NCALD: variants seen among roughly 807,000 people sequenced by gnomAD.
NCALD encodes the protein neurocalcin delta, also known as neurocalcin-delta.
Under a neutral mutation model 18.6 loss-of-function variants are expected in NCALD, and 10 were observed. That is an observed-to-expected ratio of 0.54 (90% CI 0.33 to 0.91). The LOEUF is 0.91. Among genes scored for constraint, NCALD ranks in the 40% least tolerant of loss-of-function variants. The pLI, the probability that NCALD is intolerant of heterozygous loss-of-function variation, is 0.03. For missense variants in NCALD, 184 were observed against 247.6 expected, an observed-to-expected ratio of 0.74 and a Z score of 1.72; for synonymous variants, 88 against 87.4, an observed-to-expected ratio of 1.01 and a Z score of -0.04.
intron 2 of NCALD, among the ~76,000 whole-genome samples, chr8:102,012,487 A>G (rs931651916): frequency 2.6e-5 from 4 of 152,246 alleles, no homozygotes; most frequent in African/African-American, 9.6e-5. Context: ...CAAAGACGAC[A>G]AGGACGTAAG....
chr8:102,077,348 G>A (rs1044680044), intron 1 of NCALD, among the ~76,000 whole-genome samples: 1 of 152,184 alleles, frequency 6.6e-6, no homozygotes. Flanking sequence ...ATGGATGGGA[G>A]CATGGAAAGA....
At chr8:101,822,328 A>AT (rs1315845362) in intron 4 of NCALD, among the ~76,000 whole-genome samples, 1 of 152,206 alleles carries the variant, frequency 6.6e-6, no homozygotes, top group Non-Finnish European at 1.5e-5. Context: ...CATGTCACAC[A>AT]TTGCCATATT....
At chr8:101,733,356 C>T (rs1271323494) in intron 1 of NCALD, among the ~76,000 whole-genome samples, 2 of 152,196 alleles carry the variant, frequency 1.3e-5, no homozygotes, top group Non-Finnish European at 2.9e-5. Flanking sequence ...AACAACTCCA[C>T]TGAAGTTCTA....
chr8:101,854,987 G>A (rs1321263592), intron 4 of NCALD, among the ~76,000 whole-genome samples: 2 of 152,174 alleles, frequency 1.3e-5, no homozygotes, highest in Non-Finnish European at 2.9e-5. Flanking sequence ...CAAGGGCAGG[G>A]TTGGGTTAGA....
At chr8:101,874,523 G>A (rs1023012568) in intron 4 of NCALD, among the ~76,000 whole-genome samples, 1 of 151,940 alleles carries the variant, frequency 6.6e-6, no homozygotes, top group Admixed American at 6.6e-5. Flanking sequence ...GAACAGCTGC[G>A]TTTTTCTTAA....
intron 1 of NCALD, among the ~76,000 whole-genome samples, chr8:102,045,106 C>T (rs190113183): frequency 2.3e-3 from 351 of 152,340 alleles, no homozygotes; most frequent in Non-Finnish European, 3.6e-3. Context: ...CAGTAATGCA[C>T]TGCTGCCATG....
intron 1 of NCALD, among the ~76,000 whole-genome samples, chr8:101,780,807 CT>C (rs1260815376): frequency 1.3e-5 from 2 of 152,198 alleles, no homozygotes; most frequent in East Asian, 3.9e-4. Flanking sequence ...GAAAACTTTC[CT>C]TTTTTACAGT....
intron 2 of NCALD, among the ~76,000 whole-genome samples, chr8:101,952,273 C>T (rs1586815118): frequency 6.6e-6 from 1 of 152,318 alleles, no homozygotes; most frequent in African/African-American, 2.4e-5. Flanking sequence ...TGACCACTCA[C>T]ATCTTCTTCC....
chr8:101,850,559 T>G (rs1406340646), intron 4 of NCALD, among the ~76,000 whole-genome samples: 1 of 152,186 alleles, frequency 6.6e-6, no homozygotes, highest in East Asian at 1.9e-4. Context: ...CTTGGATGTT[T>G]TCACAAAATA....
chr8:101,847,905 G>T (rs901822448), intron 4 of NCALD, among the ~76,000 whole-genome samples: 1 of 152,148 alleles, frequency 6.6e-6, no homozygotes, highest in Non-Finnish European at 1.5e-5. Flanking sequence ...TTAACTTCAG[G>T]CATTTACGCT....
intron 3 of NCALD, among the ~76,000 whole-genome samples, chr8:101,906,141 C>T (rs1464256600): frequency 2.0e-5 from 3 of 152,186 alleles, no homozygotes; most frequent in Non-Finnish European, 4.4e-5. Context: ...CCTGATGGAA[C>T]TCCACAGGGC....
rs145996779 is a variant in NCALD at position 101,811,205 on chromosome 8, G to A, written c.-20+75936C>T. ...TTGCCAATCAGCTGACCTTAAAATA[G>A]AGAGATTATCCTGAATTATACAGTG... On this transcript the variant is annotated intron_variant, in intron 4 of 6. Coordinates refer to the NCALD transcript ENST00000311028. Among the ~76,000 whole-genome samples the A allele has an allele frequency of 5.0e-3, 768 of 152,258 alleles. 11 individuals are homozygous for A. The highest frequency in any genetic ancestry group is 0.018 in the African/African-American group (733 of 41,544).
intron 1 of NCALD, among the ~76,000 whole-genome samples, chr8:101,722,871 C>A (rs576719317): frequency 6.6e-6 from 1 of 152,296 alleles, no homozygotes; most frequent in South Asian, 2.1e-4. Context: ...AACGAGTGTT[C>A]ACAATTAAGC....
chr8:101,923,725 TG>T (rs1269253947), intron 2 of NCALD, among the ~76,000 whole-genome samples: 5 of 152,238 alleles, frequency 3.3e-5, no homozygotes, highest in Non-Finnish European at 5.9e-5. Context: ...CATAATTAAA[TG>T]TTTAAAAATA....
chr8:101,869,713 A>G (rs969580718), intron 4 of NCALD, among the ~76,000 whole-genome samples: 1 of 152,198 alleles, frequency 6.6e-6, no homozygotes, highest in Non-Finnish European at 1.5e-5. Flanking sequence ...TTTTAATAGA[A>G]GACTTAAACC....
intron 4 of NCALD, among the ~76,000 whole-genome samples, chr8:101,861,304 C>T (rs1374749495): frequency 1.3e-5 from 2 of 152,030 alleles, no homozygotes; most frequent in African/African-American, 4.8e-5. Context: ...ACCTGGACCA[C>T]GGGAAGTTGA....
rs188724858 is a variant in NCALD, at chr8:101,838,717, T to C, written c.-20+48424A>G. On this transcript the variant is annotated intron_variant, in intron 4 of 6. Coordinates refer to the NCALD transcript ENST00000311028. ...GGTGCTTCACTGGAAGGTCACTGGGTGGACTCATGCTTTTTGATTTTTGTC... is the reference window on the plus strand; with the variant it reads ...GGTGCTTCACTGGAAGGTCACTGGGCGGACTCATGCTTTTTGATTTTTGTC... Among the ~76,000 whole-genome samples the C allele has an allele frequency of 3.2e-3, 482 of 152,352 alleles. 1 individual carries two copies. Among genetic ancestry groups the C allele is most frequent in the African/African-American group, 0.011 (462 of 41,582 alleles).
chr8:101,754,209 A>G (rs369301276), intron 1 of NCALD, among the ~76,000 whole-genome samples: 1 of 152,114 alleles, frequency 6.6e-6, no homozygotes. Flanking sequence ...TAATAATTTT[A>G]GCTATCATTT....
chr8:101,931,963 A>G (rs967594673), intron 2 of NCALD, among the ~76,000 whole-genome samples: 1 of 152,080 alleles, frequency 6.6e-6, no homozygotes, highest in East Asian at 1.9e-4. Context: ...AGCACTTGTC[A>G]TCTTTCCCTT....
Sources: allele counts gnomAD v4.1 joint callset (sites outside exome capture counted in the v4.1 genomes callset), GRCh38; gene constraint gnomAD v4.1.1; transcripts MANE v1.5; gene names NCBI Gene and HGNC (gene_info 2026-07-23, HGNC 2026-07-21).